Variants in SHISA9 observed in about 807,000 individuals in gnomAD.
SHISA9 encodes protein shisa-9.
SHISA9 carries 13 observed loss-of-function variants against 38.0 expected under a neutral mutation model. The ratio of observed to expected loss-of-function variants is 0.34; its 90% CI spans 0.22 to 0.54. SHISA9 has a LOEUF of 0.54. Ranked by LOEUF, SHISA9 falls within the 20% of genes least tolerant of loss-of-function variation. SHISA9 has a pLI of 0.91. For missense variants in SHISA9, 538 were observed against 575.8 expected (o/e 0.93, Z 0.67); for synonymous variants, 275 against 242.0 (o/e 1.14, Z -1.27).
chr16:13,495,075 G>A, the SHISA9 span, among the ~76,000 whole-genome samples: 6 of 152,220 alleles, frequency 3.9e-5, no homozygotes, highest in South Asian at 2.1e-4. Context: ...GTATAAAGAC[G>A]GGGTGGAAAT....
At chr16:13,132,252 A>C (rs1158125199) in intron 2 of SHISA9, among the ~76,000 whole-genome samples, 1 of 152,182 alleles carries the variant, frequency 6.6e-6, no homozygotes, top group African/African-American at 2.4e-5. Flanking sequence ...GGATAGTAAT[A>C]GTATCCCCAG....
chr16:12,954,492 A>C (rs185326089), intron 2 of SHISA9, among the ~76,000 whole-genome samples: 3 of 152,246 alleles, frequency 2.0e-5, no homozygotes, highest in African/African-American at 7.2e-5. Flanking sequence ...GTGTGTGTGG[A>C]GGGTTTGATG....
chr16:13,255,966 A>G, the SHISA9 span, among the ~76,000 whole-genome samples: 12 of 152,208 alleles, frequency 7.9e-5, no homozygotes, highest in Non-Finnish European at 1.5e-4. Context: ...TGTAGAATAA[A>G]GAGGTGTCAT....
chr16:13,119,296 A>C (rs1257037777), intron 2 of SHISA9, among the ~76,000 whole-genome samples: 1 of 150,000 alleles, frequency 6.7e-6, no homozygotes, highest in Non-Finnish European at 1.5e-5. Flanking sequence ...AAATGTTATC[A>C]TTGATTTTAG....
chr16:12,917,802 T>G (rs114983673), intron 2 of SHISA9, among the ~76,000 whole-genome samples: 4 of 152,184 alleles, frequency 2.6e-5, no homozygotes, highest in Non-Finnish European at 5.9e-5. Flanking sequence ...ATGATGCACA[T>G]TTTTACAGAC....
intron 2 of SHISA9, among the ~76,000 whole-genome samples, chr16:13,137,220 G>A (rs112879125): frequency 9.2e-5 from 14 of 152,126 alleles, no homozygotes; most frequent in African/African-American, 3.4e-4. Context: ...TGAAATGGGA[G>A]GCAGATAGTG....
At chr16:13,243,980 C>G (rs1411945413), downstream of SHISA9, among the ~76,000 whole-genome samples, 1 of 152,028 alleles carries the variant, frequency 6.6e-6, no homozygotes, top group African/African-American at 2.4e-5. Context: ...ACCATGTTGG[C>G]CAGGATGGCC....
At chr16:13,263,561 T>C in the SHISA9 span, among the ~76,000 whole-genome samples, 1 of 152,252 alleles carries the variant, frequency 6.6e-6, no homozygotes, top group African/African-American at 2.4e-5. Flanking sequence ...CCCCAGAAGC[T>C]GAACAGATGA....
At chr16:13,434,286 C>T in the SHISA9 span, among the ~76,000 whole-genome samples, 471 of 152,304 alleles carry the variant, frequency 3.1e-3, 1 homozygote, top group Non-Finnish European at 5.0e-3. Flanking sequence ...CTTCCTTTCT[C>T]AGTCCACTGA....
In SHISA9 at chr16:12,926,788, C is replaced by T. The variant is rs72782643; in HGVS notation, c.691+9973C>T. On this transcript the variant is annotated intron_variant, in intron 2 of 4. Transcript: ENST00000558583. Reference sequence around the variant, plus strand: ...TACTTCCCATCAACTTGCTACGAATCAGAGTGAAGAAAAGCAGAACATTTT... The same window carrying T: ...TACTTCCCATCAACTTGCTACGAATTAGAGTGAAGAAAAGCAGAACATTTT... Among the ~76,000 whole-genome samples the T allele has an allele frequency of 9.2e-3, 1,405 of 152,294 alleles. 6 individuals are homozygous for T. The highest frequency in any genetic ancestry group is 0.014 in the Non-Finnish European group (981 of 68,024).
the SHISA9 span, among the ~76,000 whole-genome samples, chr16:13,441,201 T>C: frequency 2.0e-5 from 3 of 152,212 alleles, no homozygotes; most frequent in East Asian, 3.8e-4. Context: ...AGCTGAATTG[T>C]AGAGAAGGAA....
the SHISA9 span, among the ~76,000 whole-genome samples, chr16:13,265,845 G>A: frequency 9.2e-5 from 14 of 152,082 alleles, no homozygotes; most frequent in East Asian, 2.5e-3. Flanking sequence ...AATCTCTGGA[G>A]CATTTTGTTT....
At chr16:13,199,126 A>G (rs1055464165) in intron 2 of SHISA9, among the ~76,000 whole-genome samples, 2 of 152,210 alleles carry the variant, frequency 1.3e-5, no homozygotes, top group African/African-American at 4.8e-5. Context: ...AGACCTGGAC[A>G]CAGGGTTTGA....
chr16:12,991,457 G>A (rs1448211981), intron 2 of SHISA9, among the ~76,000 whole-genome samples: 1 of 152,088 alleles, frequency 6.6e-6, no homozygotes, highest in East Asian at 1.9e-4. Flanking sequence ...CCTTCACCTG[G>A]ATGTAAACAA....
the SHISA9 span, among the ~76,000 whole-genome samples, chr16:13,506,337 T>A: frequency 6.6e-6 from 1 of 152,140 alleles, no homozygotes; most frequent in Admixed American, 6.6e-5. Flanking sequence ...AGTTGTGTGA[T>A]TTCCATCCCA....
chr16:13,364,161 G>A, the SHISA9 span, among the ~76,000 whole-genome samples: 2 of 152,208 alleles, frequency 1.3e-5, no homozygotes, highest in Non-Finnish European at 2.9e-5. Context: ...CATTGGCTTA[G>A]CATTGAACTG....
At chr16:13,411,815 T>C in the SHISA9 span, among the ~76,000 whole-genome samples, 1 of 152,206 alleles carries the variant, frequency 6.6e-6, no homozygotes, top group Non-Finnish European at 1.5e-5. Flanking sequence ...AGCTTTATTC[T>C]AGGAGGCCAG....
At chr16:13,488,854 C>T in the SHISA9 span, among the ~76,000 whole-genome samples, 7 of 152,166 alleles carry the variant, frequency 4.6e-5, no homozygotes, top group African/African-American at 9.7e-5. Context: ...CTCCGCCTCC[C>T]GGGCTCACGC....
At chr16:12,915,243 T>A (rs922713489) in intron 1 of SHISA9, among the ~76,000 whole-genome samples, 5 of 152,160 alleles carry the variant, frequency 3.3e-5, no homozygotes, top group African/African-American at 1.2e-4. Flanking sequence ...GGAGAATCTC[T>A]TGAGGCCAGG....
Sources: gnomAD v4.1 joint callset for allele counts (sites outside exome capture counted in the v4.1 genomes callset) on GRCh38, gnomAD v4.1.1 for gene constraint, MANE v1.5 for transcripts, NCBI Gene and HGNC (gene_info 2026-07-23, HGNC 2026-07-21) for gene names.